The following ROBO2 variants were observed in gnomAD, a reference collection of about 807,000 sequenced individuals.
The protein encoded by ROBO2 is roundabout guidance receptor 2, also known as roundabout homolog 2.
ROBO2 carries 53 observed loss-of-function variants against 160.8 expected under a neutral mutation model. The ratio of observed to expected loss-of-function variants is 0.33; its 90% CI spans 0.26 to 0.41. ROBO2 has a LOEUF of 0.41. Among genes scored for constraint, ROBO2 ranks in the 10% least tolerant of loss-of-function variants. ROBO2 has a pLI of 1.00. For missense variants in ROBO2, 1,577 were observed against 1,722.4 expected (o/e 0.92, Z 1.49); for synonymous variants, 664 against 611.7 (o/e 1.09, Z -1.26).
chr3:76,960,320 T>C (rs2079556939), intron 2 of ROBO2, among the ~76,000 whole-genome samples: 1 of 152,098 alleles, frequency 6.6e-6, no homozygotes, highest in Non-Finnish European at 1.5e-5. Flanking sequence ...AGAGGTGCTA[T>C]AATTAAAATG....
chr3:76,091,242 T>A (rs557469063), intron 2 of ROBO2, among the ~76,000 whole-genome samples: 1 of 151,986 alleles, frequency 6.6e-6, no homozygotes, highest in African/African-American at 2.4e-5. Context: ...AACTCAACAA[T>A]AAATAACTCA....
intron 2 of ROBO2, among the ~76,000 whole-genome samples, chr3:76,357,574 A>G (rs1294918250): frequency 6.6e-6 from 1 of 151,984 alleles, no homozygotes; most frequent in Non-Finnish European, 1.5e-5. Flanking sequence ...AAAACCCACT[A>G]TGGTGATGAA....
chr3:77,364,702 T>G (rs993843755), intron 2 of ROBO2, among the ~76,000 whole-genome samples: 1 of 152,206 alleles, frequency 6.6e-6, no homozygotes, highest in Non-Finnish European at 1.5e-5. Flanking sequence ...GTAACTGTTA[T>G]GCTTTTTTTG....
intron 2 of ROBO2, among the ~76,000 whole-genome samples, chr3:75,966,225 C>G (rs2107319477): frequency 6.6e-6 from 1 of 151,200 alleles, no homozygotes; most frequent in Admixed American, 6.6e-5. Flanking sequence ...GACACAATGT[C>G]AGCAAGGTGA....
At chr3:77,386,756 C>T (rs1365713889) in intron 2 of ROBO2, among the ~76,000 whole-genome samples, 5 of 151,622 alleles carry the variant, frequency 3.3e-5, no homozygotes. Flanking sequence ...GCGCCCACCA[C>T]CACACTAGGC....
chr3:77,113,894 G>A (rs1321507384), intron 2 of ROBO2, among the ~76,000 whole-genome samples: 3 of 152,192 alleles, frequency 2.0e-5, no homozygotes, highest in Non-Finnish European at 4.4e-5. Context: ...AGCTATACAT[G>A]TAGAAGCTGG....
At chr3:76,562,938 T>A (rs1034099647) in intron 2 of ROBO2, among the ~76,000 whole-genome samples, 2 of 152,168 alleles carry the variant, frequency 1.3e-5, no homozygotes, top group African/African-American at 4.8e-5. Flanking sequence ...CTTTCTTTTC[T>A]TTCTTTCTCC....
intron 2 of ROBO2, among the ~76,000 whole-genome samples, chr3:77,294,859 G>A (rs969709234): frequency 6.7e-6 from 1 of 150,240 alleles, no homozygotes; most frequent in African/African-American, 2.5e-5. Context: ...GTTGAGGCTA[G>A]AACAGTAAAG....
At chr3:76,872,755 TC>T (rs1171527927) in intron 2 of ROBO2, among the ~76,000 whole-genome samples, 15 of 151,948 alleles carry the variant, frequency 9.9e-5, no homozygotes, top group Non-Finnish European at 5.9e-5. Context: ...TACATATATT[TC>T]TGCTTCTATA....
intron 2 of ROBO2, among the ~76,000 whole-genome samples, chr3:77,305,560 G>A (rs2063030400): frequency 6.6e-6 from 1 of 152,140 alleles, no homozygotes; most frequent in Non-Finnish European, 1.5e-5. Context: ...AGACTCTGAA[G>A]CATTAAATTA....
At chr3:77,467,051 T>A (rs1158678940) in intron 2 of ROBO2, among the ~76,000 whole-genome samples, 1 of 152,176 alleles carries the variant, frequency 6.6e-6, no homozygotes, top group Non-Finnish European at 1.5e-5. Context: ...TATCTTCAGA[T>A]AAGGACTAAT....
chr3:77,618,867 A>G (rs1192322545), intron 22 of ROBO2, among the ~76,000 whole-genome samples: 1 of 152,200 alleles, frequency 6.6e-6, no homozygotes, highest in Non-Finnish European at 1.5e-5. Flanking sequence ...TTTTTCATCA[A>G]TCTGCTTTTA....
chr3:77,413,083 G>C (rs2076934063), intron 2 of ROBO2, among the ~76,000 whole-genome samples: 1 of 152,024 alleles, frequency 6.6e-6, no homozygotes, highest in Admixed American at 6.6e-5. Flanking sequence ...AGTGAGTACA[G>C]GCTTTGGGAC....
chr3:76,152,714 T>G (rs925813433), intron 2 of ROBO2, among the ~76,000 whole-genome samples: 15 of 152,154 alleles, frequency 9.9e-5, no homozygotes, highest in Non-Finnish European at 1.6e-4. Flanking sequence ...TATATGAAGA[T>G]CTTTGAAATT....
At chr3:76,857,437 G>A (rs933098460) in intron 2 of ROBO2, among the ~76,000 whole-genome samples, 35 of 152,054 alleles carry the variant, frequency 2.3e-4, no homozygotes, top group African/African-American at 7.7e-4. Flanking sequence ...AGACAAAATC[G>A]TGGAAATTAG....
At chr3:76,419,126 A>G (rs913817595) in intron 2 of ROBO2, among the ~76,000 whole-genome samples, 1 of 152,220 alleles carries the variant, frequency 6.6e-6, no homozygotes, top group Non-Finnish European at 1.5e-5. Context: ...CAGTGGGTTA[A>G]GGAGTAAACA....
chr3:76,631,326 T>G (rs1322359652), intron 2 of ROBO2, among the ~76,000 whole-genome samples: 1 of 152,186 alleles, frequency 6.6e-6, no homozygotes, highest in Non-Finnish European at 1.5e-5. Context: ...GAAAAAAATC[T>G]TGTCATCTTT....
Position 76,103,038 on chromosome 3 carries a change from T to A in ROBO2, c.109+165436T>A, listed in dbSNP as rs2069765814. Among the ~76,000 whole-genome samples the A allele has an allele frequency of 1.3e-5, 2 of 151,952 alleles. 1 individual carries two copies. The highest frequency in any genetic ancestry group is 1.3e-4 in the Admixed American group (2 of 15,250). On this transcript the variant is annotated intron_variant, in intron 2 of 26. Coordinates refer to the ROBO2 transcript ENST00000487694. ...CGGGGTTTCACCATGTTAGCCAGGA[T>A]GGTCTCAATCTCCTGACCTCGTGAT...
intron 6 of ROBO2, among the ~76,000 whole-genome samples, chr3:77,534,738 G>A (rs2091977791): frequency 6.6e-6 from 1 of 151,906 alleles, no homozygotes; most frequent in Non-Finnish European, 1.5e-5. Context: ...CTCACTTATG[G>A]CAAGTATTGC....
Sources: gnomAD v4.1 joint callset for allele counts (sites outside exome capture counted in the v4.1 genomes callset) on GRCh38, gnomAD v4.1.1 for gene constraint, MANE v1.5 for transcripts, NCBI Gene and HGNC (gene_info 2026-07-23, HGNC 2026-07-21) for gene names.